Variants in IRS1 observed in about 807,000 individuals in gnomAD.
IRS1 encodes the protein insulin receptor substrate 1.
A neutral mutation model predicts 65.6 loss-of-function variants in IRS1; 34 were observed. The ratio of observed to expected loss-of-function variants is 0.52; its 90% CI spans 0.39 to 0.69. IRS1 has a LOEUF of 0.69. Ranked by LOEUF, IRS1 falls within the 30% of genes least tolerant of loss-of-function variation. The pLI is 0.00. For missense variants in IRS1, 1,641 were observed against 1,720.2 expected (o/e 0.95, Z 0.81); for synonymous variants, 699 against 683.5 (o/e 1.02, Z -0.35).
chr2:226,750,065 C>T (rs1259574408), intron 1 of IRS1, among the ~76,000 whole-genome samples: 5 of 151,970 alleles, frequency 3.3e-5, no homozygotes, highest in Admixed American at 6.6e-5. Context: ...GCCTGACCAA[C>T]ATGGTGAAAT....
chr2:226,736,287 A>T (rs1559145275), intron 1 of IRS1, 37 bp from the exon 2 acceptor site: 1 of 152,222 alleles, frequency 6.6e-6, no homozygotes, highest in Non-Finnish European at 1.5e-5. Flanking sequence ...CACCACAGGT[A>T]TCTCAAACTG....
intron 1 of IRS1, among the ~76,000 whole-genome samples, chr2:226,737,008 C>T (rs553592728): frequency 4.0e-5 from 6 of 151,636 alleles, no homozygotes; most frequent in South Asian, 4.2e-4. Flanking sequence ...TAGTTACATA[C>T]GTATACATGT....
intron 1 of IRS1, among the ~76,000 whole-genome samples, chr2:226,750,829 G>A (rs1938663849): frequency 6.6e-6 from 1 of 152,162 alleles, no homozygotes; most frequent in Non-Finnish European, 1.5e-5. Flanking sequence ...ATCTGCTGGG[G>A]ATTTTGTTAA....
At position 226,799,365 on chromosome 2, in the gene IRS1, T is replaced by TTGC. The variant is rs769109350; in HGVS notation, c.-630_-628dup. On this transcript the variant is annotated 5_prime_UTR_variant, in exon 1 of 2. Transcript: ENST00000305123. The surrounding 1 kb of genome is among the most constrained non-coding windows in gnomAD (Gnocchi z 6.1). ...GACCGCGGCGCTGCGGCTGTTGCTG[T>TTGC]TGCTGCTGCTGCTGCTGCTGCTGCT... 1,291 of 1,239,720 alleles carry TTGC rather than the reference T, an allele frequency of 1.0e-3. 9 individuals are homozygous for TTGC. The East Asian group carries it at 0.012, about 11-fold the overall frequency. The allele number at this position is 1,239,720 out of a possible 1,614,324, so 76.8% of individuals were successfully genotyped here. A position where few individuals can be genotyped will look rare whatever the true frequency, so the allele number is the denominator to read the frequency against.
At chr2:226,754,864 T>G (rs903318371) in intron 1 of IRS1, among the ~76,000 whole-genome samples, 2 of 152,154 alleles carry the variant, frequency 1.3e-5, no homozygotes, top group East Asian at 3.8e-4. Context: ...AAAGAGATTG[T>G]CATTATAAAA....
chr2:226,781,210 A>G (rs1362045610), intron 1 of IRS1, among the ~76,000 whole-genome samples: 1 of 152,212 alleles, frequency 6.6e-6, no homozygotes, highest in African/African-American at 2.4e-5. Flanking sequence ...ATTTAAAGGC[A>G]TTGATTTTAC....
At chr2:226,779,728 T>C (rs1939344897) in intron 1 of IRS1, among the ~76,000 whole-genome samples, 1 of 152,228 alleles carries the variant, frequency 6.6e-6, no homozygotes, top group Non-Finnish European at 1.5e-5. Context: ...ATACTTCAAA[T>C]GTCCAACAAT....
chr2:226,766,152 TATA>T (rs1430288150), intron 1 of IRS1, among the ~76,000 whole-genome samples: 5 of 14,630 alleles, frequency 3.4e-4, no homozygotes, highest in African/African-American at 4.4e-4. Context: ...TATATATATA[TATA>T]TATATATATT....
chr2:226,788,727 T>A (rs1334145420), intron 1 of IRS1, among the ~76,000 whole-genome samples: 1 of 152,220 alleles, frequency 6.6e-6, no homozygotes, highest in African/African-American at 2.4e-5. Flanking sequence ...TTTTTGTAAC[T>A]ATGTCATATT....
At chr2:226,786,201 C>T (rs370070877) in intron 1 of IRS1, among the ~76,000 whole-genome samples, 14 of 151,054 alleles carry the variant, frequency 9.3e-5, no homozygotes, top group East Asian at 5.9e-4. Flanking sequence ...CCGCAGTAAA[C>T]ATACGTGTGC....
chr2:226,794,989 CTGCTG>C lies in IRS1; in HGVS notation c.*16_*20del. 1 of 1,612,974 alleles carries C rather than the reference CTGCTG, an allele frequency of 6.2e-7. No homozygotes were observed. On this transcript the variant is annotated splice_region_variant and 3_prime_UTR_variant, in exon 1 of 2. Transcript: ENST00000305123. The surrounding 1 kb of genome is among the most constrained non-coding windows in gnomAD (Gnocchi z 4.1). ...CTGACTTTGTCACCATGAAACGCAC[CTGCTG>C]TGATGTCCAGTTGAGCTACTGACGG...
intron 1 of IRS1, among the ~76,000 whole-genome samples, chr2:226,769,861 C>T (rs1311753198): frequency 6.6e-6 from 1 of 152,140 alleles, no homozygotes; most frequent in Non-Finnish European, 1.5e-5. Context: ...TTAGTTGAGA[C>T]ATATCAGCCA....
chr2:226,796,325 T>G lies in IRS1; in HGVS notation c.2414A>C (p.Asp805Ala). ...GCTGCTGGTGGAAGAGGAAGAATCA[T>G]CTGCTGTTGCAGCATAGAGAAGGCG... is the stretch of plus-strand genomic sequence containing the variant. ...SGRLLYAATA[D>A]DSSSSTSSDS... Residue 805 changes from aspartate (D) to alanine (A), a missense_variant, in exon 1 of 2, where the codon GAT becomes GCT. Asp to Ala is a moderately radical substitution (Grantham distance 126, BLOSUM62 -2). Around this residue, in one of 3 missense-constraint regions of IRS1, gnomAD observed 1,324 missense variants for 1,361.0 expected, o/e 0.97. Coordinates refer to ENST00000305123, the MANE Select transcript of IRS1 (RefSeq NM_005544.3). The G allele has an allele frequency of 6.2e-7, 1 of 1,613,432 alleles. No individual in the cohort carries two copies. The highest frequency in any genetic ancestry group is 1.1e-5 in the South Asian group (1 of 91,084).
At chr2:226,750,249 C>CAAAAAAAAAAAA (rs75785691) in intron 1 of IRS1, among the ~76,000 whole-genome samples, 1 of 59,994 alleles carries the variant, frequency 1.7e-5, no homozygotes. Flanking sequence ...AACTCTGTCT[C>CAAAAAAAAAAAA]AAAAAAAAAA....
Position 226,796,684 on chromosome 2 carries a change from G to T in IRS1, c.2055C>A (p.Ser685Arg). Residue 685 changes from serine (S) to arginine (R), a missense_variant, in exon 1 of 2, where the codon AGC (serine) becomes AGA (arginine). Around this residue, in one of 3 missense-constraint regions of IRS1, gnomAD observed 1,324 missense variants for 1,361.0 expected, o/e 0.97. Coordinates refer to ENST00000305123, the MANE Select transcript of IRS1 (RefSeq NM_005544.3). ...TGGTCCCGGAAGGGACGGCGTTGCTGCTGCTGCTGCTGCTGCTGGGGCCAC... is the reference window on the plus strand; with the variant it reads ...TGGTCCCGGAAGGGACGGCGTTGCTTCTGCTGCTGCTGCTGCTGGGGCCAC... ...IGGGPSSSSS[S>R]SNAVPSGTSY... The T allele has an allele frequency of 6.2e-7, 1 of 1,607,124 alleles. No homozygotes were observed. The highest frequency in any genetic ancestry group is 8.5e-7 in the Non-Finnish European group (1 of 1,174,910).
Position 226,797,346 on chromosome 2 carries a change from A to G in IRS1, c.1393T>C (p.Tyr465His). ...GGCCCCTTGCCACCCATGCAGATAT[A>G]GTTGCTTAGCTCCTCCTCACCGCGG... ...PARGEEELSN[Y>H]ICMGGKGPST... The change falls in exon 1 of 2, where the codon TAT (tyrosine) becomes CAT (histidine). Residue 465 changes from tyrosine to histidine, a missense_variant. Coordinates refer to ENST00000305123, the MANE Select transcript of IRS1 (RefSeq NM_005544.3). This position sits in a 1 kb window ranked among gnomAD's most constrained non-coding sequence, Gnocchi z 8.1. 2 of 1,613,318 alleles carry G rather than the reference A, an allele frequency of 1.2e-6. No individual in the cohort carries two copies. The highest frequency in any genetic ancestry group is 1.7e-6 in the Non-Finnish European group (2 of 1,179,934).
chr2:226,731,312 T>C lies in IRS1; in HGVS notation c.*4960A>G, dbSNP rs1250337213. 1 of 152,188 alleles carries C rather than the reference T, an allele frequency of 6.6e-6. No individual in the cohort carries two copies. Among genetic ancestry groups the C allele is most frequent in the African/African-American group, 2.4e-5 (1 of 41,436 alleles). The allele number at this position is 152,188 out of a possible 1,614,324, so 9.4% of individuals were successfully genotyped here. ...AACAGCATACACTGCTCTTACCCAA[T>C]CAAATGTCTCCGCAAAATTTAATTG... On this transcript the variant is annotated 3_prime_UTR_variant, in exon 2 of 2. Coordinates refer to ENST00000305123, the MANE Select transcript of IRS1 (RefSeq NM_005544.3).
At position 226,795,058 on chromosome 2, in the gene IRS1, G is replaced by A. The variant is rs1388872636; in HGVS notation, c.3681C>T (p.Ser1227=). 7 of 1,604,062 alleles carry A rather than the reference G, an allele frequency of 4.4e-6. No homozygotes were observed. The highest frequency in any genetic ancestry group is 1.1e-5 in the South Asian group (1 of 90,824). The change falls in exon 1 of 2, where the codon AGC becomes AGT. Residue 1227 remains serine (S), a synonymous_variant. Transcript: ENST00000305123. ...TCTGGAAACTGATGCTGGCATAGGC[G>A]CTTAAATCCTCACTTGAGCGGCGGG... The part of the protein sequence containing the change: ...SSTRRSSEDL[S]AYASISFQKQ...
chr2:226,735,612 A>G lies in IRS1; in HGVS notation c.*660T>C, dbSNP rs1345757726. ...AACCATCTATGGCACTATGATTCTT[A>G]TATTATGTTTTCTGAATTACAATCT... On this transcript the variant is annotated 3_prime_UTR_variant, in exon 2 of 2. Coordinates refer to ENST00000305123, the MANE Select transcript of IRS1 (RefSeq NM_005544.3). 1 of 152,582 alleles carries G rather than the reference A, an allele frequency of 6.6e-6. No individual in the cohort carries two copies. Among genetic ancestry groups the G allele is most frequent in the Non-Finnish European group, 1.5e-5 (1 of 68,034 alleles). The allele number at this position is 152,582 out of a possible 1,614,324, so 9.5% of individuals were successfully genotyped here.
Sources: gnomAD v4.1 joint callset for allele counts (sites outside exome capture counted in the v4.1 genomes callset) on GRCh38, gnomAD v4.1.1 for gene constraint, gnomAD v4.1.1 regional missense constraint, Gnocchi (gnomAD v3.1) non-coding constraint, MANE v1.5 for transcripts, NCBI Gene and HGNC (gene_info 2026-07-23, HGNC 2026-07-21) for gene names.